STN1: variants seen among roughly 807,000 people sequenced by gnomAD.
STN1 encodes STN1 subunit of CST complex.
Under a neutral mutation model 45.5 loss-of-function variants are expected in STN1, and 29 were observed. That is an observed-to-expected ratio of 0.64 (90% confidence interval 0.47 to 0.87). STN1 has a LOEUF of 0.87. Among genes scored for constraint, STN1 ranks in the 40% least tolerant of loss-of-function variants. STN1 has a pLI of 0.00. For missense variants in STN1, 376 were observed against 441.4 expected, an observed-to-expected ratio of 0.85 and a Z score of 1.33; for synonymous variants, 148 against 159.0, an observed-to-expected ratio of 0.93 and a Z score of 0.52.
At chr10:103,887,165 C>A (rs1388842250) in intron 9 of STN1, among the ~76,000 whole-genome samples, 1 of 152,218 alleles carries the variant, frequency 6.6e-6, no homozygotes, top group Non-Finnish European at 1.5e-5. Context: ...TTTACCTATA[C>A]ATGTAACAGC....
chr10:103,894,898 C>T (rs2134363023), intron 7 of STN1, among the ~76,000 whole-genome samples: 1 of 152,222 alleles, frequency 6.6e-6, no homozygotes, highest in South Asian at 2.1e-4. Context: ...TCTGGATTTG[C>T]TAAGAAGGAC....
intron 2 of STN1, among the ~76,000 whole-genome samples, chr10:103,913,371 A>T (rs990735625): frequency 6.6e-6 from 1 of 152,136 alleles, no homozygotes; most frequent in African/African-American, 2.4e-5. Context: ...CATCTCACGG[A>T]CTGACAACAA....
At chr10:103,900,744 T>TCTCA (rs1379528538) in intron 4 of STN1, among the ~76,000 whole-genome samples, 16 of 145,250 alleles carry the variant, frequency 1.1e-4, no homozygotes, top group East Asian at 2.0e-4. Context: ...TCTCTCTCTC[T>TCTCA]CACACTTTCT....
intron 5 of STN1, 53 bp from the exon 6 acceptor site, chr10:103,899,053 T>A: frequency 6.3e-7 from 1 of 1,598,010 alleles, no homozygotes; most frequent in Non-Finnish European, 8.5e-7. Context: ...TACATTGAGA[T>A]CAATTCTTTC....
chr10:103,901,924 T>C (rs1030285094), intron 4 of STN1, among the ~76,000 whole-genome samples: 4 of 152,222 alleles, frequency 2.6e-5, no homozygotes, highest in Admixed American at 6.5e-5. Context: ...CTTCAGTCAT[T>C]TGGATTTTTA....
intron 3 of STN1, among the ~76,000 whole-genome samples, chr10:103,907,291 TA>T (rs1843247978): frequency 6.6e-6 from 1 of 152,136 alleles, no homozygotes; most frequent in Admixed American, 6.5e-5. Flanking sequence ...TGGAATTGGT[TA>T]AAAAAATTAC....
intron 8 of STN1, among the ~76,000 whole-genome samples, chr10:103,891,312 C>T (rs185908267): frequency 1.6e-4 from 24 of 152,244 alleles, no homozygotes; most frequent in Admixed American, 1.2e-3. Flanking sequence ...TTAAAAAGAA[C>T]GAGGTAGATT....
Position 103,881,581 on chromosome 10 carries a change from T to C in STN1, c.*1103A>G, listed in dbSNP as rs1843069055. On this transcript the variant is annotated 3_prime_UTR_variant, in exon 10 of 10. Transcript: ENST00000224950. ...GGACTTCTGCGTATAAAGACTGTCCTGTTTCCACGGAGAGAGGAGCAACTC... is the reference window on the plus strand; with the variant it reads ...GGACTTCTGCGTATAAAGACTGTCCCGTTTCCACGGAGAGAGGAGCAACTC... Among the ~76,000 whole-genome samples, 1 of 152,206 alleles carries C rather than the reference T, an allele frequency of 6.6e-6. No homozygotes were observed. The highest frequency in any genetic ancestry group is 2.4e-5 in the African/African-American group (1 of 41,464).
At chr10:103,917,192 T>C (rs142750646) in intron 2 of STN1, among the ~76,000 whole-genome samples, 105 of 148,942 alleles carry the variant, frequency 7.0e-4, no homozygotes, top group African/African-American at 2.5e-3. Context: ...TGAGCATTTT[T>C]AAGCATGAAA....
chr10:103,917,107 TTAGGAAAGGAGCCAGGCC>T (rs777523338), intron 2 of STN1, among the ~76,000 whole-genome samples: 68 of 152,098 alleles, frequency 4.5e-4, no homozygotes, highest in Admixed American at 9.2e-4. Context: ...AGTGGCACAT[TTAGGAAAGGAGCCAGGCC>T]TAGGAATATC....
intron 2 of STN1, among the ~76,000 whole-genome samples, chr10:103,915,447 G>A (rs898741797): frequency 5.3e-5 from 8 of 152,108 alleles, no homozygotes; most frequent in Admixed American, 3.3e-4. Context: ...TGGTTCGAGA[G>A]GGCACCATGA....
intron 7 of STN1, among the ~76,000 whole-genome samples, chr10:103,893,026 C>T (rs1003575134): frequency 9.8e-5 from 15 of 152,350 alleles, no homozygotes; most frequent in African/African-American, 2.9e-4. Flanking sequence ...CTCCCTAGCA[C>T]ACGTTAGGTG....
rs995141181 is a variant in STN1, at chr10:103,879,283, C to A, written c.*3401G>T. 5 of 152,468 alleles carry A rather than the reference C, an allele frequency of 3.3e-5. No homozygotes were observed. The highest frequency in any genetic ancestry group is 1.2e-4 in the African/African-American group (5 of 41,432). The allele number at this position is 152,468 out of a possible 1,614,324, so 9.4% of individuals were successfully genotyped here. ...AACAGAGAATTCTGCCATCATGGAA[C>A]ATTCTGTCTATTGGGGGAAAATAAT... On this transcript the variant is annotated 3_prime_UTR_variant, in exon 10 of 10. Coordinates refer to ENST00000224950, the MANE Select transcript of STN1 (RefSeq NM_024928.5).
intron 9 of STN1, among the ~76,000 whole-genome samples, chr10:103,884,991 A>C (rs1209252439): frequency 6.6e-6 from 1 of 152,122 alleles, no homozygotes; most frequent in African/African-American, 2.4e-5. Context: ...CTGAGCAAGG[A>C]GGAGCAAGTA....
intron 2 of STN1, among the ~76,000 whole-genome samples, chr10:103,911,693 C>T (rs967999037): frequency 4.6e-5 from 7 of 152,184 alleles, no homozygotes; most frequent in African/African-American, 9.6e-5. Context: ...AATAAATATA[C>T]GAATTCTAAA....
chr10:103,893,704 T>C (rs115310437), intron 7 of STN1, among the ~76,000 whole-genome samples: 90 of 152,294 alleles, frequency 5.9e-4, no homozygotes, highest in African/African-American at 2.0e-3. Context: ...GTCTCAAGTG[T>C]TCACAAGTCC....
chr10:103,906,541 G>A (rs1261253378), intron 3 of STN1, among the ~76,000 whole-genome samples: 2 of 152,060 alleles, frequency 1.3e-5, no homozygotes, highest in Non-Finnish European at 2.9e-5. Flanking sequence ...TGTGCCTGTA[G>A]TCCCAGCTAC....
In STN1 at chr10:103,910,556, C is replaced by G. The variant is rs1445418514; in HGVS notation, c.200G>C (p.Arg67Thr). 9 of 1,608,764 alleles carry G rather than the reference C, an allele frequency of 5.6e-6. No individual in the cohort carries two copies. The highest frequency in any genetic ancestry group is 6.8e-6 in the Non-Finnish European group (8 of 1,175,406). Residue 67 changes from arginine to threonine, a missense_variant, in exon 3 of 10, where the codon AGA becomes ACA. Physicochemically the swap from Arg to Thr is moderately conservative, Grantham distance 71. Coordinates refer to ENST00000224950, the MANE Select transcript of STN1 (RefSeq NM_024928.5). Reference protein sequence around the residue: ...VDVLGTVIGVRERDAFYSYGV... With the variant: ...VDVLGTVIGVTERDAFYSYGV... ...ATAACTGTAGAAAGCATCTCTTTCT[C>G]TCACTCCAATGACAGTTCCCAAGAC...
At chr10:103,915,729 C>A (rs1337325274) in intron 2 of STN1, among the ~76,000 whole-genome samples, 1 of 152,088 alleles carries the variant, frequency 6.6e-6, no homozygotes, top group Non-Finnish European at 1.5e-5. Context: ...TCCCCACCCC[C>A]CAGAACACTA....
Sources: allele counts gnomAD v4.1 joint callset (sites outside exome capture counted in the v4.1 genomes callset), GRCh38; gene constraint gnomAD v4.1.1; transcripts MANE v1.5; gene names NCBI Gene and HGNC (gene_info 2026-07-23, HGNC 2026-07-21).